Variants in PDXK observed in about 807,000 individuals in gnomAD.
PDXK encodes the protein epididymis secretory sperm binding protein Li 1a.
In PDXK, 15 loss-of-function variants were observed where a neutral mutation model predicts 43.2. That is an observed-to-expected ratio of 0.35 (90% CI 0.23 to 0.53). PDXK has a LOEUF of 0.53. Ranked by LOEUF, PDXK falls within the 20% of genes least tolerant of loss-of-function variation. The pLI is 0.92. For synonymous variants in PDXK, 172 were observed against 165.4 expected (o/e 1.04, Z -0.31); for missense variants, 343 against 417.0 (o/e 0.82, Z 1.54).
At position 43,743,811 on chromosome 21, in the gene PDXK, G is replaced by T; in HGVS notation, c.331+4G>T. On this transcript the variant is annotated splice_donor_region_variant and intron_variant, in intron 4 of 10. Coordinates refer to ENST00000291565, the MANE Select transcript of PDXK (RefSeq NM_003681.5). ...CAGAACCCCAGGCTGGTGTACGGTAGGCAGGGGCCCACCCTCGGGTCTGGC... is the reference window on the plus strand; with the variant it reads ...CAGAACCCCAGGCTGGTGTACGGTATGCAGGGGCCCACCCTCGGGTCTGGC... 1 of 1,608,790 alleles carries T rather than the reference G, an allele frequency of 6.2e-7. No homozygotes were observed. Among genetic ancestry groups the T allele is most frequent in the Non-Finnish European group, 8.5e-7 (1 of 1,175,628 alleles).
At position 43,753,684 on chromosome 21, in the gene PDXK, C is replaced by T. The variant is rs963890245; in HGVS notation, c.724C>T (p.Leu242=). 1.2e-6 allele frequency: 2 copies of T among 1,613,538 alleles called. No individual in the cohort carries two copies. Among genetic ancestry groups the T allele is most frequent in the African/African-American group, 2.7e-5 (2 of 74,930 alleles). ...GTGDLFAAML[L]AWTHKHPNNL... is the part of the protein sequence containing the mutation. ...TGGGGACCTGTTTGCTGCCATGCTCCTGGCGTGGACACACAAGCACCCCAA... is the reference window on the plus strand; with the variant it reads ...TGGGGACCTGTTTGCTGCCATGCTCTTGGCGTGGACACACAAGCACCCCAA... Residue 242 remains leucine, a synonymous_variant, in exon 9 of 11, where the codon CTG becomes TTG. Coordinates refer to ENST00000291565, the MANE Select transcript of PDXK (RefSeq NM_003681.5).
chr21:43,743,629 C>T (rs985178485), intron 3 of PDXK, 95 bp from the exon 4 acceptor site: 20 of 843,520 alleles, frequency 2.4e-5, no homozygotes, highest in South Asian at 1.4e-4. Context: ...AGCCACCCCT[C>T]TGCAGGGTCT....
At chr21:43,749,132 C>A in intron 6 of PDXK, 52 bp downstream of exon 6, 1 of 1,134,278 alleles carries the variant, frequency 8.8e-7, no homozygotes, top group Non-Finnish European at 1.3e-6. Flanking sequence ...CAAGATGGGT[C>A]TCGCTCTTGT....
chr21:43,753,504 C>A (rs889343025), intron 8 of PDXK, 79 bp from the exon 9 acceptor site: 56 of 1,484,046 alleles, frequency 3.8e-5, no homozygotes, highest in South Asian at 2.4e-4. Context: ...CCGCCGTGCC[C>A]AGGAGGATCA....
intron 2 of PDXK, among the ~76,000 whole-genome samples, chr21:43,739,886 T>C (rs918950722): frequency 2.6e-5 from 4 of 151,756 alleles, no homozygotes; most frequent in African/African-American, 9.7e-5. Context: ...ACCTCCCTCC[T>C]CCTACCCCTT....
chr21:43,755,772 G>A lies in PDXK; in HGVS notation c.826+8G>A, dbSNP rs778554844. The A allele has an allele frequency of 8.1e-6, 13 of 1,612,682 alleles. No individual in the cohort carries two copies. The highest frequency in any genetic ancestry group is 3.3e-4 in the Middle Eastern group (2 of 6,058). ...CCATCCAGTGTGCAAAAGGTACGGC[G>A]GCCGGGCTGCATGGGCTGCGTGGGC... On this transcript the variant is annotated splice_region_variant and intron_variant, in intron 10 of 10. Transcript: ENST00000291565.
Position 43,754,017 on chromosome 21 carries a change from C to T in PDXK, c.759+298C>T, listed in dbSNP as rs938371560. 6.6e-5 allele frequency among the ~76,000 whole-genome samples: 10 copies of T among 152,224 alleles called. No homozygotes were observed. The highest frequency in any genetic ancestry group is 2.1e-4 in the South Asian group (1 of 4,836). On this transcript the variant is annotated intron_variant, in intron 9 of 10. Transcript: ENST00000291565. This position sits in a 1 kb window ranked among gnomAD's most constrained non-coding sequence, Gnocchi z 5.5. ...GTCCCACCAGGATTCAGATGCCACC[C>T]GCTTGGCGTTGGCGCAGGGCTGTGG...
At chr21:43,743,958 C>G (rs2083592610) in intron 4 of PDXK, 151 bp downstream of exon 4, 2 of 654,914 alleles carry the variant, frequency 3.1e-6, no homozygotes, top group East Asian at 2.7e-5. Context: ...TCTGCTGGGC[C>G]TCTGAAGATG....
intron 4 of PDXK, chr21:43,745,851 G>T: frequency 3.5e-6 from 2 of 571,458 alleles, no homozygotes; most frequent in South Asian, 3.9e-5. Context: ...TTAAAAGCTA[G>T]CTGGGTGTGC....
chr21:43,755,432 G>C (rs1392377569), intron 9 of PDXK: 1 of 519,188 alleles, frequency 1.9e-6, no homozygotes, highest in Admixed American at 3.3e-5. Flanking sequence ...TTCTATGCAG[G>C]TCACGAGGCT....
At position 43,745,289 on chromosome 21, in the gene PDXK, G is replaced by T. The variant is rs546307812; in HGVS notation, c.332-790G>T. 2.9e-3 allele frequency among the ~76,000 whole-genome samples: 440 copies of T among 152,124 alleles called. 2 individuals are homozygous for T. The highest frequency in any genetic ancestry group is 0.01 in the African/African-American group (420 of 41,500). On this transcript the variant is annotated intron_variant, in intron 4 of 10. Transcript: ENST00000291565. Reference sequence around the variant, plus strand: ...ACAAAAATTAGCCAGGCCTGGTGGCGCACACCTCTAATCTCAGCTACTTTG... The same window carrying T: ...ACAAAAATTAGCCAGGCCTGGTGGCTCACACCTCTAATCTCAGCTACTTTG...
chr21:43,726,207 C>G (rs2083251221), intron 1 of PDXK, among the ~76,000 whole-genome samples: 1 of 150,996 alleles, frequency 6.6e-6, no homozygotes, highest in Non-Finnish European at 1.5e-5. Flanking sequence ...TTCTGTTATT[C>G]TTGTTTGGCT....
At chr21:43,729,775 A>T (rs1323801987) in intron 1 of PDXK, among the ~76,000 whole-genome samples, 1 of 152,062 alleles carries the variant, frequency 6.6e-6, no homozygotes, top group Non-Finnish European at 1.5e-5. Flanking sequence ...ATTTCTCCAC[A>T]AAAAATAAAA....
At chr21:43,750,961 C>CATATGT (rs1555885784) in intron 7 of PDXK, among the ~76,000 whole-genome samples, 1 of 35,310 alleles carries the variant, frequency 2.8e-5, no homozygotes, top group East Asian at 1.2e-3. Context: ...CATGTGTGTG[C>CATATGT]ATGTGTGTGT....
chr21:43,743,359 T>C (rs539167461), intron 3 of PDXK, among the ~76,000 whole-genome samples: 43 of 10,258 alleles, frequency 4.2e-3, no homozygotes, highest in Admixed American at 9.2e-3. Flanking sequence ...ACCCACCTCC[T>C]TCCCCCCAGC....
At chr21:43,725,048 G>C (rs1258557036) in intron 1 of PDXK, among the ~76,000 whole-genome samples, 4 of 152,148 alleles carry the variant, frequency 2.6e-5, no homozygotes, top group Non-Finnish European at 5.9e-5. Context: ...TGTTGGCTGG[G>C]TGCAGTGGCT....
chr21:43,719,927 C>T, intron 1 of PDXK: 3 of 985,372 alleles, frequency 3.0e-6, no homozygotes, highest in Non-Finnish European at 3.6e-6. Flanking sequence ...TTCCCCTCGG[C>T]CTGACCACGC....
chr21:43,719,627 A>G (rs2083189819), intron 1 of PDXK: 1 of 985,336 alleles, frequency 1.0e-6, no homozygotes, highest in Non-Finnish European at 1.2e-6. Flanking sequence ...GTACGCGGGT[A>G]GGAGGGAGCC....
intron 1 of PDXK, among the ~76,000 whole-genome samples, chr21:43,730,271 A>T (rs1382279364): frequency 2.6e-5 from 4 of 151,960 alleles, no homozygotes; most frequent in East Asian, 1.9e-4. Flanking sequence ...GACTACAGGC[A>T]CGAGCCACTA....
Sources: allele counts gnomAD v4.1 joint callset (sites outside exome capture counted in the v4.1 genomes callset), GRCh38; gene constraint gnomAD v4.1.1; non-coding constraint Gnocchi (gnomAD v3.1); transcripts MANE v1.5; gene names NCBI Gene and HGNC (gene_info 2026-07-23, HGNC 2026-07-21).